Variants in UVSSA observed in about 807,000 individuals in gnomAD.
The protein encoded by UVSSA is UV stimulated scaffold protein A, also known as UV-stimulated scaffold protein A.
Under a neutral mutation model 73.9 loss-of-function variants are expected in UVSSA, and 72 were observed. The ratio of observed to expected loss-of-function variants is 0.97; its 90% CI spans 0.81 to 1.19. UVSSA has a LOEUF of 1.19. Among genes scored for constraint, UVSSA ranks in the 50% most tolerant of loss-of-function variants. The pLI, the probability that UVSSA is intolerant of heterozygous loss-of-function variation, is 0.00. For missense variants in UVSSA, 1,150 were observed against 965.0 expected, an observed-to-expected ratio of 1.19 and a Z score of -2.54; for synonymous variants, 454 against 391.3, an observed-to-expected ratio of 1.16 and a Z score of -1.89.
intron 5 of UVSSA, 74 bp from the exon 6 acceptor site, chr4:1,354,661 A>C: frequency 7.2e-7 from 1 of 1,387,552 alleles, no homozygotes. Context: ...CCTTCCTTGC[A>C]TGGTCTGCCT....
Position 1,383,912 on chromosome 4 carries a change from G to A in UVSSA, c.2008G>A (p.Ala670Thr), listed in dbSNP as rs150863986. 1.7e-4 allele frequency: 267 copies of A among 1,612,740 alleles called. No homozygotes were observed. The highest frequency in any genetic ancestry group is 3.3e-4 in the Middle Eastern group (2 of 6,064). Residue 670 changes from alanine to threonine, a missense_variant, in exon 13 of 14, where the codon GCT (alanine) becomes ACT (threonine). Transcript: ENST00000389851. ...GAAGGCTCAGGCTGATACCGCCCGCGCTCGCATTGGGAGAAAAGTCTTCGC... is the reference window on the plus strand; with the variant it reads ...GAAGGCTCAGGCTGATACCGCCCGCACTCGCATTGGGAGAAAAGTCTTCGC... ...NLKAQADTARARIGRKVFAKA... is the reference protein window; with the variant it reads ...NLKAQADTARTRIGRKVFAKA...
At chr4:1,350,249 C>T (rs1714492408) in intron 3 of UVSSA, among the ~76,000 whole-genome samples, 1 of 152,186 alleles carries the variant, frequency 6.6e-6, no homozygotes, top group Admixed American at 6.5e-5. Flanking sequence ...CCACCCGCAC[C>T]CTACTATGGG....
chr4:1,363,918 A>T (rs1301506918), intron 7 of UVSSA, among the ~76,000 whole-genome samples: 1 of 152,192 alleles, frequency 6.6e-6, no homozygotes, highest in Non-Finnish European at 1.5e-5. Context: ...AACAAAGTGC[A>T]CTTGGTCTGA....
intron 8 of UVSSA, among the ~76,000 whole-genome samples, chr4:1,370,289 A>G (rs1270756378): frequency 1.3e-5 from 2 of 152,184 alleles, no homozygotes; most frequent in African/African-American, 4.8e-5. Context: ...GCGTGTGCTG[A>G]CAGCCCGTAT....
At chr4:1,343,494 A>G (rs939034043), upstream of UVSSA, among the ~76,000 whole-genome samples, 15 of 152,232 alleles carry the variant, frequency 9.9e-5, no homozygotes, top group African/African-American at 3.4e-4. Flanking sequence ...TCCTCAACCC[A>G]TGAATATGGT....
At chr4:1,366,155 G>T (rs1360154066) in intron 7 of UVSSA, 165 bp from the exon 8 acceptor site, 2 of 616,178 alleles carry the variant, frequency 3.2e-6, no homozygotes, top group Admixed American at 2.9e-5. Flanking sequence ...AACAAGAACA[G>T]CCTTGGAGAC....
intron 8 of UVSSA, among the ~76,000 whole-genome samples, chr4:1,372,078 T>C (rs188083970): frequency 2.5e-3 from 385 of 152,324 alleles, no homozygotes; most frequent in African/African-American, 8.1e-3. Flanking sequence ...TTTACCCTCC[T>C]ATTTTTTACT....
In UVSSA at chr4:1,383,947, G is replaced by GTGGC. The variant is rs755283876; in HGVS notation, c.2036+10_2036+13dup. The GTGGC allele has an allele frequency of 9.3e-6, 15 of 1,607,370 alleles. No homozygotes were observed. The African/African-American group carries it at 1.7e-4, about 19-fold the overall frequency. On this transcript the variant is annotated splice_region_variant and intron_variant, in intron 13 of 13. Coordinates refer to ENST00000389851, the MANE Select transcript of UVSSA (RefSeq NM_020894.4). ...GGAGAAAAGTCTTCGCCAAGTAAGA[G>GTGGC]TGGCTGCTGGGTCACCTCCCACCGC...
intron 3 of UVSSA, among the ~76,000 whole-genome samples, chr4:1,350,648 A>G (rs1307113002): frequency 6.6e-6 from 1 of 151,990 alleles, no homozygotes; most frequent in South Asian, 2.1e-4. Flanking sequence ...CACTGTGAAC[A>G]CCTGGGTGTG....
At chr4:1,353,726 A>G (rs1009032852) in intron 5 of UVSSA, among the ~76,000 whole-genome samples, 2 of 152,110 alleles carry the variant, frequency 1.3e-5, no homozygotes, top group African/African-American at 2.4e-5. Flanking sequence ...GCGGTCCTCA[A>G]AGGATGAGGG....
Position 1,354,725 on chromosome 4 carries a change from T to C in UVSSA, c.935-10T>C, listed in dbSNP as rs1010528578. 9.3e-6 allele frequency: 15 copies of C among 1,611,248 alleles called. No homozygotes were observed. Among genetic ancestry groups the C allele is most frequent in the Non-Finnish European group, 1.3e-5 (15 of 1,178,404 alleles). On this transcript the variant is annotated splice_polypyrimidine_tract_variant and intron_variant, in intron 5 of 13. Coordinates refer to ENST00000389851, the MANE Select transcript of UVSSA (RefSeq NM_020894.4). ...GCGCCCTCTTGTGACCTCTGTGTGC[T>C]TCTCCCCAGAGGGCCTGAAGGTGCA...
intron 7 of UVSSA, among the ~76,000 whole-genome samples, chr4:1,361,962 AC>A (rs1399616767): frequency 6.6e-6 from 1 of 152,128 alleles, no homozygotes; most frequent in Non-Finnish European, 1.5e-5. Flanking sequence ...ATTAGATCGT[AC>A]AAAATTTATT....
upstream of UVSSA, among the ~76,000 whole-genome samples, chr4:1,346,938 G>A (rs541028068): frequency 2.0e-3 from 301 of 152,326 alleles, 4 homozygotes; most frequent in African/African-American, 7.0e-3. Flanking sequence ...GCGCGCCTAC[G>A]TCACCGCGCA....
chr4:1,354,903 T>TG (rs33989352), intron 6 of UVSSA, 56 bp downstream of exon 6: 523,344 of 1,463,676 alleles, frequency 0.36, 96,468 homozygotes, highest in Non-Finnish European at 0.39. Context: ...GTGCCATGCA[T>TG]GGGGGGGGTC....
At chr4:1,344,441 T>C (rs554418010), upstream of UVSSA, among the ~76,000 whole-genome samples, 2 of 151,954 alleles carry the variant, frequency 1.3e-5, no homozygotes, top group Admixed American at 6.6e-5. Context: ...ATCCCAGCTA[T>C]TTGGGAGGCC....
exon 14 of UVSSA, chr4:1,395,385 C>A (rs781663604): frequency 3.8e-6 from 6 of 1,572,994 alleles, no homozygotes; most frequent in East Asian, 4.7e-5. Flanking sequence ...TGCCCGCCTG[C>A]TCACACGTGC....
Position 1,371,883 on chromosome 4 carries a change from T to C in UVSSA, c.1289-3481T>C, listed in dbSNP as rs1399454121. On this transcript the variant is annotated intron_variant, in intron 8 of 13. Coordinates refer to ENST00000389851, the MANE Select transcript of UVSSA (RefSeq NM_020894.4). ...TAGTTTGGTGGTTTTGACTGTGCTG[T>C]ACAAACCACCCGTGATACGGCTCAT... 2.0e-5 allele frequency among the ~76,000 whole-genome samples: 3 copies of C among 152,170 alleles called. No homozygotes were observed. The East Asian group carries it at 5.8e-4, about 29-fold the overall frequency.
rs776116231 is a variant in UVSSA, at chr4:1,381,068, A to G, written c.1861+80A>G. ...CTAGTGGCCCGGGGTGTGTCTGCAG[A>G]GTCACAGAGCACCCGCTCTGCCAGC... On this transcript the variant is annotated intron_variant, in intron 12 of 13. Transcript: ENST00000389851. 169 of 1,342,068 alleles carry G rather than the reference A, an allele frequency of 1.3e-4. 1 individual carries two copies. The highest frequency in any genetic ancestry group is 1.7e-4 in the Non-Finnish European group (161 of 969,678). The allele number at this position is 1,342,068 out of a possible 1,614,324, so 83.1% of individuals were successfully genotyped here. A position where few individuals can be genotyped will look rare whatever the true frequency, so the allele number is the denominator to read the frequency against.
chr4:1,359,047 T>C (rs1056770032), intron 7 of UVSSA: 18 of 152,254 alleles, frequency 1.2e-4, no homozygotes, highest in African/African-American at 4.3e-4. Flanking sequence ...ACACCGTGTC[T>C]TTCCTTTTTA....
Sources: allele counts gnomAD v4.1 joint callset (sites outside exome capture counted in the v4.1 genomes callset), GRCh38; gene constraint gnomAD v4.1.1; transcripts MANE v1.5; gene names NCBI Gene and HGNC (gene_info 2026-07-23, HGNC 2026-07-21).